Variants in PTPRK observed in about 807,000 individuals in gnomAD.
PTPRK encodes the protein receptor-type tyrosine-protein phosphatase kappa.
A neutral mutation model predicts 178.0 loss-of-function variants in PTPRK; 75 were observed. The observed-to-expected ratio is 0.42, with a 90% confidence interval of 0.35 to 0.51. PTPRK has a LOEUF of 0.51. PTPRK is among the 20% of genes least tolerant of loss of function. PTPRK has a pLI of 0.02. For missense variants in PTPRK, 1,441 were observed against 1,797.8 expected (o/e 0.80, Z 3.59); for synonymous variants, 637 against 620.6 (o/e 1.03, Z -0.39).
intron 5 of PTPRK, among the ~76,000 whole-genome samples, chr6:128,222,404 T>C (rs897407293): frequency 2.6e-5 from 4 of 152,182 alleles, no homozygotes; most frequent in Admixed American, 6.5e-5. Flanking sequence ...CTCTCAACTT[T>C]TGGAATTCGC....
intron 2 of PTPRK, among the ~76,000 whole-genome samples, chr6:128,383,699 G>A (rs1276700192): frequency 1.3e-5 from 2 of 152,134 alleles, no homozygotes; most frequent in Admixed American, 1.3e-4. Flanking sequence ...GTGCTAAACT[G>A]CACAACACTG....
intron 7 of PTPRK, among the ~76,000 whole-genome samples, chr6:128,170,916 A>AG (rs397934078): frequency 6.6e-6 from 1 of 151,786 alleles, no homozygotes; most frequent in African/African-American, 2.4e-5. Flanking sequence ...AAAAAAAAAA[A>AG]CTGTTAACAC....
chr6:128,409,752 GT>G lies in PTPRK; in HGVS notation c.101-12065del, dbSNP rs1842086750. Reference sequence around the variant, plus strand: ...GGCAGGATTTTCCCATGCTGTTGTAGTTGTTATTAAAAGGGGGCGTTTTCCT... The same window carrying G: ...GGCAGGATTTTCCCATGCTGTTGTAGTGTTATTAAAAGGGGGCGTTTTCCT... On this transcript the variant is annotated intron_variant, in intron 1 of 29. Coordinates refer to ENST00000368226, the MANE Select transcript of PTPRK (RefSeq NM_002844.4). 3.9e-5 allele frequency among the ~76,000 whole-genome samples: 6 copies of G among 152,256 alleles called. No homozygotes were observed. The South Asian group carries it at 1.2e-3, about 32-fold the overall frequency.
At chr6:128,367,888 G>A (rs918520480) in intron 2 of PTPRK, among the ~76,000 whole-genome samples, 4 of 151,964 alleles carry the variant, frequency 2.6e-5, no homozygotes, top group Non-Finnish European at 5.9e-5. Context: ...GAGAGCCTTC[G>A]GGAAAAAATA....
intron 3 of PTPRK, among the ~76,000 whole-genome samples, chr6:128,274,259 TGC>T (rs1820375733): frequency 6.6e-6 from 1 of 152,184 alleles, no homozygotes; most frequent in Admixed American, 6.6e-5. Flanking sequence ...CTGAAAGAAC[TGC>T]ATTCCTACAA....
At chr6:128,099,331 AT>A (rs1365424266) in intron 7 of PTPRK, among the ~76,000 whole-genome samples, 6 of 151,926 alleles carry the variant, frequency 3.9e-5, no homozygotes, top group African/African-American at 1.4e-4. Flanking sequence ...GTCTAGTAAA[AT>A]CATCATGAAG....
chr6:128,097,143 G>A (rs185873836), intron 7 of PTPRK, among the ~76,000 whole-genome samples: 14 of 152,282 alleles, frequency 9.2e-5, no homozygotes, highest in East Asian at 1.9e-4. Context: ...GTACTGTAAC[G>A]TGAGGGAGCC....
At chr6:128,180,098 A>G (rs1801680012) in intron 7 of PTPRK, among the ~76,000 whole-genome samples, 1 of 152,108 alleles carries the variant, frequency 6.6e-6, no homozygotes, top group African/African-American at 2.4e-5. Context: ...CTAAAATGTC[A>G]GTTAATCATA....
intron 1 of PTPRK, among the ~76,000 whole-genome samples, chr6:128,436,472 C>T (rs532567563): frequency 1.3e-5 from 2 of 152,222 alleles, no homozygotes; most frequent in African/African-American, 2.4e-5. Flanking sequence ...TTCTCTAAAA[C>T]GACTTTTCTT....
intron 5 of PTPRK, chr6:128,238,184 C>T (rs117695083): frequency 0.11 from 25,329 of 231,812 alleles, 1,171 homozygotes; most frequent in Non-Finnish European, 0.13. Flanking sequence ...GTAGCAAACG[C>T]CAAAAAAAAA....
At chr6:127,975,912 T>C (rs755325217) in intron 27 of PTPRK, among the ~76,000 whole-genome samples, 2 of 152,124 alleles carry the variant, frequency 1.3e-5, no homozygotes, top group Non-Finnish European at 2.9e-5. Flanking sequence ...CCTTATGATC[T>C]GCCCGCCTTG....
intron 3 of PTPRK, among the ~76,000 whole-genome samples, chr6:128,283,126 C>A (rs113756571): frequency 3.9e-3 from 590 of 152,184 alleles, no homozygotes; most frequent in African/African-American, 0.013. Context: ...CAGGAAGAAC[C>A]CAGCTTGTGT....
chr6:128,511,321 A>G (rs1408716708), intron 1 of PTPRK, among the ~76,000 whole-genome samples: 4 of 152,124 alleles, frequency 2.6e-5, no homozygotes, highest in Admixed American at 2.6e-4. Context: ...TTTCTTCCCC[A>G]TTAGAAAGAT....
chr6:128,186,034 A>G (rs1274211600), intron 6 of PTPRK, among the ~76,000 whole-genome samples: 8 of 152,110 alleles, frequency 5.3e-5, no homozygotes, highest in Non-Finnish European at 1.2e-4. Flanking sequence ...TAGGAATAAG[A>G]TTATCTGGTC....
At chr6:128,394,275 C>G in intron 2 of PTPRK, among the ~76,000 whole-genome samples, 1 of 152,278 alleles carries the variant, frequency 6.6e-6, no homozygotes, top group Non-Finnish European at 1.5e-5. Flanking sequence ...GCACTGCTGA[C>G]AGACATTTGG....
At chr6:128,372,509 A>G (rs567795285) in intron 2 of PTPRK, among the ~76,000 whole-genome samples, 1 of 152,356 alleles carries the variant, frequency 6.6e-6, no homozygotes, top group Admixed American at 6.5e-5. Flanking sequence ...TACATTAGGC[A>G]CATTGTATAC....
chr6:128,091,953 G>A (rs1328491299), intron 7 of PTPRK, among the ~76,000 whole-genome samples: 2 of 152,136 alleles, frequency 1.3e-5, no homozygotes, highest in African/African-American at 4.8e-5. Flanking sequence ...CTAAGAGTGG[G>A]CAAATGATTT....
At chr6:128,379,396 A>G (rs780266691) in intron 2 of PTPRK, among the ~76,000 whole-genome samples, 22 of 152,290 alleles carry the variant, frequency 1.4e-4, no homozygotes, top group South Asian at 6.2e-4. Context: ...TTACCAACAC[A>G]ATACACTTGT....
intron 7 of PTPRK, among the ~76,000 whole-genome samples, chr6:128,175,100 A>G (rs958614769): frequency 6.6e-6 from 1 of 151,922 alleles, no homozygotes; most frequent in African/African-American, 2.4e-5. Context: ...GACAGAGTCT[A>G]GAATACAGGA....
Sources: allele counts gnomAD v4.1 joint callset (sites outside exome capture counted in the v4.1 genomes callset), GRCh38; gene constraint gnomAD v4.1.1; transcripts MANE v1.5; gene names NCBI Gene and HGNC (gene_info 2026-07-23, HGNC 2026-07-21).